Variants in DLGAP2 observed in about 807,000 individuals in gnomAD.
DLGAP2 encodes disks large-associated protein 2.
Under a neutral mutation model 100.3 loss-of-function variants are expected in DLGAP2, and 26 were observed. That is an observed-to-expected ratio of 0.26 (90% confidence interval 0.19 to 0.36). The LOEUF (loss-of-function observed/expected upper bound fraction) is 0.36. DLGAP2 is among the 10% of genes least tolerant of loss of function. The probability of loss-of-function intolerance (pLI) is 1.00; values close to 1 mark genes in which losing one functional copy is unlikely to be tolerated. For synonymous variants in DLGAP2, 886 were observed against 630.1 expected (o/e 1.41, Z -6.08); for missense variants, 1,858 against 1,453.2 (o/e 1.28, Z -4.53).
chr8:1,232,312 G>A (rs186618834), intron 2 of DLGAP2, among the ~76,000 whole-genome samples: 3 of 152,200 alleles, frequency 2.0e-5, no homozygotes, highest in Non-Finnish European at 4.4e-5. Context: ...ACCTGAGTGG[G>A]GGTGTCTTCC....
chr8:1,483,491 GGCGCAGAAC>G, intron 3 of DLGAP2, among the ~76,000 whole-genome samples: 1 of 145,792 alleles, frequency 6.9e-6, no homozygotes, highest in Non-Finnish European at 1.5e-5. Context: ...CAGGGAGGCA[GGCGCAGAAC>G]GTGAGGACAA....
intron 2 of DLGAP2, among the ~76,000 whole-genome samples, chr8:965,524 T>A (rs565137617): frequency 2.4e-3 from 314 of 129,270 alleles, no homozygotes; most frequent in African/African-American, 9.7e-3. Context: ...ACCCCTGCGC[T>A]GCACACGGCA....
At chr8:781,353 G>C (rs1821682018) in intron 1 of DLGAP2, among the ~76,000 whole-genome samples, 1 of 151,810 alleles carries the variant, frequency 6.6e-6, no homozygotes, top group African/African-American at 2.4e-5. Flanking sequence ...AATGAGGTTT[G>C]ATTCCTAAAG....
chr8:1,251,373 T>C (rs1269802360), intron 2 of DLGAP2, among the ~76,000 whole-genome samples: 1 of 152,240 alleles, frequency 6.6e-6, no homozygotes, highest in African/African-American at 2.4e-5. Flanking sequence ...CCTTTTGCTC[T>C]TTCTGTTTTT....
chr8:1,080,084 G>C (rs1221560271), intron 2 of DLGAP2, among the ~76,000 whole-genome samples: 1 of 152,228 alleles, frequency 6.6e-6, no homozygotes, highest in Admixed American at 6.5e-5. Flanking sequence ...CCTGGCACGG[G>C]CCTGCTTCCC....
At chr8:1,640,941 G>A (rs552972266) in intron 8 of DLGAP2, among the ~76,000 whole-genome samples, 2 of 152,352 alleles carry the variant, frequency 1.3e-5, no homozygotes, top group Non-Finnish European at 2.9e-5. Flanking sequence ...ATGAGTGGAT[G>A]AAAGCCGGTT....
At chr8:1,275,723 T>G (rs1799669476) in intron 3 of DLGAP2, among the ~76,000 whole-genome samples, 2 of 136,072 alleles carry the variant, frequency 1.5e-5, no homozygotes. Flanking sequence ...GACATATATA[T>G]ATATAAAATA....
At chr8:1,205,565 G>A (rs1446745401) in intron 2 of DLGAP2, among the ~76,000 whole-genome samples, 2 of 152,174 alleles carry the variant, frequency 1.3e-5, no homozygotes, top group Non-Finnish European at 2.9e-5. Context: ...AAGCACCCTG[G>A]GAGCTTTTAC....
chr8:1,494,243 G>T (rs1033412286), intron 3 of DLGAP2, among the ~76,000 whole-genome samples: 1 of 152,232 alleles, frequency 6.6e-6, no homozygotes, highest in African/African-American at 2.4e-5. Context: ...GTGTGAACCT[G>T]GTTTTTCCTT....
intron 2 of DLGAP2, among the ~76,000 whole-genome samples, chr8:1,141,576 A>G (rs368440408): frequency 1.8e-4 from 28 of 152,316 alleles, no homozygotes; most frequent in East Asian, 1.7e-3. Flanking sequence ...CATAACCTTT[A>G]TAAGAGATTA....
At chr8:1,681,246 ACTT>A (rs931798618) in intron 12 of DLGAP2, among the ~76,000 whole-genome samples, 4 of 152,194 alleles carry the variant, frequency 2.6e-5, no homozygotes, top group African/African-American at 9.6e-5. Flanking sequence ...CACAGAGACT[ACTT>A]CTCCTGTCAT....
At chr8:1,095,706 G>A (rs756662183) in intron 2 of DLGAP2, among the ~76,000 whole-genome samples, 21 of 152,188 alleles carry the variant, frequency 1.4e-4, no homozygotes, top group Non-Finnish European at 2.6e-4. Context: ...AAACAGTCCC[G>A]TGCTGGAGAA....
chr8:1,659,206 C>G (rs922740537), intron 8 of DLGAP2, among the ~76,000 whole-genome samples: 3 of 152,132 alleles, frequency 2.0e-5, no homozygotes, highest in Non-Finnish European at 2.9e-5. Flanking sequence ...GTCGGAGAGA[C>G]TGTTTGTTAT....
chr8:1,159,721 C>T (rs758808735), intron 2 of DLGAP2, among the ~76,000 whole-genome samples: 21 of 152,082 alleles, frequency 1.4e-4, no homozygotes, highest in African/African-American at 1.9e-4. Flanking sequence ...GTTAGTTATA[C>T]GGAGTTTGAG....
chr8:921,401 G>A (rs1563096123), intron 2 of DLGAP2, among the ~76,000 whole-genome samples: 3 of 152,172 alleles, frequency 2.0e-5, no homozygotes, highest in African/African-American at 4.8e-5. Context: ...GGGGATGTGC[G>A]TCTATGGCCA....
chr8:1,442,076 G>T (rs967036613), intron 3 of DLGAP2, among the ~76,000 whole-genome samples: 16 of 152,192 alleles, frequency 1.1e-4, no homozygotes, highest in African/African-American at 3.6e-4. Flanking sequence ...AAACTCAGGA[G>T]CAACAGAGTG....
chr8:1,202,071 G>A (rs1352543069), intron 2 of DLGAP2, among the ~76,000 whole-genome samples: 1 of 152,038 alleles, frequency 6.6e-6, no homozygotes, highest in Non-Finnish European at 1.5e-5. Context: ...GTGTGTATGT[G>A]TACGCCTGTG....
At chr8:1,187,392 TCCCTCACGGAATGTCACAC>T (rs1797529258) in intron 2 of DLGAP2, among the ~76,000 whole-genome samples, 1 of 138,094 alleles carries the variant, frequency 7.2e-6, no homozygotes. Flanking sequence ...CCGTGACGTT[TCCCTCACGGAATGTCACAC>T]GCCCGGGACC....
intron 3 of DLGAP2, among the ~76,000 whole-genome samples, chr8:1,465,949 A>T (rs1584931249): frequency 6.6e-6 from 1 of 152,294 alleles, no homozygotes; most frequent in East Asian, 1.9e-4. Context: ...GGGGAGAGAA[A>T]GGAGCAGTGA....
Sources: allele counts gnomAD v4.1 joint callset (sites outside exome capture counted in the v4.1 genomes callset), GRCh38; gene constraint gnomAD v4.1.1; transcripts MANE v1.5; gene names NCBI Gene and HGNC (gene_info 2026-07-23, HGNC 2026-07-21).